Variants in GRIP1 observed in about 807,000 individuals in gnomAD.
GRIP1 encodes the protein glutamate receptor-interacting protein 1.
A neutral mutation model predicts 129.9 loss-of-function variants in GRIP1; 45 were observed. That is an observed-to-expected ratio of 0.35 (90% confidence interval 0.27 to 0.44). The LOEUF (loss-of-function observed/expected upper bound fraction) is 0.44, where lower values mean the gene tolerates loss of function less well. Among genes scored for constraint, GRIP1 ranks in the 20% least tolerant of loss-of-function variants. GRIP1 has a pLI of 1.00. For synonymous variants in GRIP1, 530 were observed against 520.8 expected (o/e 1.02, Z -0.24); for missense variants, 1,196 against 1,396.8 (o/e 0.86, Z 2.29).
At chr12:67,024,885 A>C (rs1419771370) in intron 1 of GRIP1, among the ~76,000 whole-genome samples, 2 of 152,222 alleles carry the variant, frequency 1.3e-5, no homozygotes, top group African/African-American at 4.8e-5. Flanking sequence ...TTAAAAACTT[A>C]TCTCAATTTA....
At chr12:66,568,852 G>A (rs758876134) in intron 2 of GRIP1, 15 of 446,918 alleles carry the variant, frequency 3.4e-5, no homozygotes, top group Non-Finnish European at 6.6e-5. Flanking sequence ...GGTCCAACTG[G>A]TCAGGAAGAT....
chr12:66,625,973 A>C (rs1476558614), intron 1 of GRIP1, among the ~76,000 whole-genome samples: 3 of 152,158 alleles, frequency 2.0e-5, no homozygotes, highest in Non-Finnish European at 4.4e-5. Context: ...GCTGACACTT[A>C]AATGAGAAGA....
At chr12:67,014,871 C>T (rs2042762265) in intron 1 of GRIP1, among the ~76,000 whole-genome samples, 1 of 152,012 alleles carries the variant, frequency 6.6e-6, no homozygotes, top group Non-Finnish European at 1.5e-5. Flanking sequence ...AAATTAAGAA[C>T]TGAGTCATCA....
At chr12:66,693,165 T>C (rs2136321308) in intron 1 of GRIP1, among the ~76,000 whole-genome samples, 1 of 152,110 alleles carries the variant, frequency 6.6e-6, no homozygotes, top group Admixed American at 6.5e-5. Context: ...CATGAGCTTA[T>C]GAATGACAGG....
chr12:66,651,299 T>C (rs1005800863), intron 1 of GRIP1, among the ~76,000 whole-genome samples: 1 of 152,190 alleles, frequency 6.6e-6, no homozygotes, highest in African/African-American at 2.4e-5. Flanking sequence ...GGATCAATAT[T>C]TGGTTTATTT....
rs553546815 is a variant in GRIP1, at chr12:66,900,484, T to C, written c.58+168566A>G. On this transcript the variant is annotated intron_variant, in intron 1 of 1. Transcript: ENST00000643019. Reference sequence around the variant, plus strand: ...TCTTGGACTTCCTAGCCTCCGGAACTGTGAAAAGTAAGTATCTTTTGCTTA... The same window carrying C: ...TCTTGGACTTCCTAGCCTCCGGAACCGTGAAAAGTAAGTATCTTTTGCTTA... 2.0e-5 allele frequency among the ~76,000 whole-genome samples: 3 copies of C among 152,168 alleles called. No individual in the cohort carries two copies. In the South Asian group the frequency reaches 6.2e-4, roughly 31 times the overall value.
At chr12:66,679,132 C>A, upstream of GRIP1, 1 of 1,442,348 alleles carries the variant, frequency 6.9e-7, no homozygotes, top group Non-Finnish European at 9.1e-7. Context: ...AGCCTCCTCC[C>A]CCTTCACAAT....
rs760559161 is a variant in GRIP1, at chr12:66,347,508, C to G, written c.*1511G>C. ...GTAGAGGGTTTTATTTTTTTCCATACAAATATTTGAACAATTTTGAATTCC... is the reference window on the plus strand; with the variant it reads ...GTAGAGGGTTTTATTTTTTTCCATAGAAATATTTGAACAATTTTGAATTCC... On this transcript the variant is annotated 3_prime_UTR_variant, in exon 25 of 25. Coordinates refer to ENST00000359742, the MANE Select transcript of GRIP1 (RefSeq NM_001366722.1). 6.6e-6 allele frequency: 1 copy of G among 152,104 alleles called. No homozygotes were observed. The highest frequency in any genetic ancestry group is 1.5e-5 in the Non-Finnish European group (1 of 68,008). 9.4% of individuals were successfully genotyped at this position (152,104 alleles called of 1,614,324 possible).
intron 2 of GRIP1, among the ~76,000 whole-genome samples, chr12:66,552,694 T>C (rs188935407): frequency 2.3e-3 from 353 of 152,298 alleles, no homozygotes; most frequent in Non-Finnish European, 4.2e-3. Flanking sequence ...AAAGTAAAGC[T>C]AGCCTCAAGC....
chr12:66,564,668 T>C (rs1296475353), intron 2 of GRIP1, among the ~76,000 whole-genome samples: 1 of 152,106 alleles, frequency 6.6e-6, no homozygotes, highest in South Asian at 2.1e-4. Context: ...GGTCAAATGG[T>C]ATTTCTAGTT....
chr12:66,825,137 A>G lies in GRIP1; in HGVS notation c.59-228210T>C, dbSNP rs139372486. ...ACTGAACCTTTCTGCAAGATTTTCAATTTACACTATTCTTCATTGCCAAGA... is the reference window on the plus strand; with the variant it reads ...ACTGAACCTTTCTGCAAGATTTTCAGTTTACACTATTCTTCATTGCCAAGA... On this transcript the variant is annotated intron_variant, in intron 1 of 1. Transcript: ENST00000643019. 8.7e-3 allele frequency among the ~76,000 whole-genome samples: 1,323 copies of G among 152,278 alleles called. 17 individuals are homozygous for G. The highest frequency in any genetic ancestry group is 0.031 in the African/African-American group (1,275 of 41,548).
At chr12:66,532,949 G>A (rs2061500531) in intron 4 of GRIP1, among the ~76,000 whole-genome samples, 1 of 152,202 alleles carries the variant, frequency 6.6e-6, no homozygotes, top group African/African-American at 2.4e-5. Context: ...TTGCCAATCA[G>A]ATTATAGGGC....
chr12:66,451,441 T>C, intron 11 of GRIP1, among the ~76,000 whole-genome samples: 1 of 127,010 alleles, frequency 7.9e-6, no homozygotes, highest in Admixed American at 9.0e-5. Flanking sequence ...TCTCACTCTG[T>C]TGCCCAGGCT....
chr12:66,521,389 C>T (rs1179123620), intron 5 of GRIP1, among the ~76,000 whole-genome samples: 1 of 152,174 alleles, frequency 6.6e-6, no homozygotes, highest in Non-Finnish European at 1.5e-5. Context: ...TTGATGCATA[C>T]ATATTTATTA....
At chr12:66,741,538 T>C (rs1206094451) in intron 1 of GRIP1, among the ~76,000 whole-genome samples, 1 of 152,236 alleles carries the variant, frequency 6.6e-6, no homozygotes, top group Non-Finnish European at 1.5e-5. Context: ...ATTATGTGTG[T>C]CACATATGTA....
intron 1 of GRIP1, among the ~76,000 whole-genome samples, chr12:66,997,378 A>G (rs1776267406): frequency 6.6e-6 from 1 of 152,164 alleles, no homozygotes; most frequent in African/African-American, 2.4e-5. Flanking sequence ...CAGGAGTTCA[A>G]GGCCAGCCAG....
chr12:66,659,464 T>A (rs56291237), intron 1 of GRIP1, among the ~76,000 whole-genome samples: 3 of 152,078 alleles, frequency 2.0e-5, no homozygotes, highest in Non-Finnish European at 2.9e-5. Context: ...GCAAACAACT[T>A]TGCTCTATTT....
chr12:66,527,686 T>A (rs117464210), intron 5 of GRIP1, among the ~76,000 whole-genome samples: 10,491 of 151,492 alleles, frequency 0.069, 455 homozygotes, highest in Admixed American at 0.14. Flanking sequence ...ATAACAAAAT[T>A]AAAAAAAAAT....
chr12:66,496,588 C>T (rs181887168), intron 7 of GRIP1, among the ~76,000 whole-genome samples: 2 of 152,270 alleles, frequency 1.3e-5, no homozygotes, highest in Non-Finnish European at 2.9e-5. Flanking sequence ...GGGGATGTCT[C>T]TTACAGCCCT....
Sources: allele counts gnomAD v4.1 joint callset (sites outside exome capture counted in the v4.1 genomes callset), GRCh38; gene constraint gnomAD v4.1.1; transcripts MANE v1.5; gene names NCBI Gene and HGNC (gene_info 2026-07-23, HGNC 2026-07-21).